The following DCP1A variants were observed in gnomAD, a reference collection of about 807,000 sequenced individuals.
The protein encoded by DCP1A is mRNA-decapping enzyme 1A.
DCP1A carries 20 observed loss-of-function variants against 58.0 expected under a neutral mutation model. The observed-to-expected ratio is 0.34, with a 90% CI of 0.24 to 0.50. The LOEUF (loss-of-function observed/expected upper bound fraction) is 0.50, where lower values mean the gene tolerates loss of function less well. Among genes scored for constraint, DCP1A ranks in the 20% least tolerant of loss-of-function variants. The probability of loss-of-function intolerance (pLI) is 0.98; values close to 1 mark genes in which losing one functional copy is unlikely to be tolerated. For synonymous variants in DCP1A, 285 were observed against 275.1 expected, an observed-to-expected ratio of 1.04 and a Z score of -0.36; for missense variants, 613 against 712.2, an observed-to-expected ratio of 0.86 and a Z score of 1.59.
At chr3:53,297,399 C>T (rs1707164779) in intron 6 of DCP1A, among the ~76,000 whole-genome samples, 1 of 149,726 alleles carries the variant, frequency 6.7e-6, no homozygotes, top group Admixed American at 6.7e-5. Flanking sequence ...GTCTTGCTGT[C>T]ACCCAGGCTG....
chr3:53,320,124 T>C (rs1271627368), intron 3 of DCP1A, among the ~76,000 whole-genome samples: 2 of 148,438 alleles, frequency 1.3e-5, no homozygotes. Context: ...TGAGACTCCA[T>C]CTAAAAAAAA....
intron 3 of DCP1A, among the ~76,000 whole-genome samples, chr3:53,332,636 G>C (rs563210912): frequency 1.1e-3 from 166 of 152,116 alleles, no homozygotes; most frequent in African/African-American, 3.5e-3. Flanking sequence ...AGGCCAAGGC[G>C]GGTGGATCAT....
In DCP1A at chr3:53,292,327, G is replaced by C; in HGVS notation, c.1125C>G (p.Phe375Leu). The C allele has an allele frequency of 2.5e-6, 4 of 1,613,118 alleles. No individual in the cohort carries two copies. Among genetic ancestry groups the C allele is most frequent in the Non-Finnish European group, 3.4e-6 (4 of 1,179,142 alleles). The change falls in exon 7 of 10, where the codon TTC becomes TTG. Residue 375 changes from phenylalanine to leucine, a missense_variant. By Grantham distance (22) the Phe-to-Leu change is conservative. This residue lies in a region of DCP1A where 498 missense variants were observed against 556.7 expected (regional missense o/e 0.89). Transcript: ENST00000610213. ...TGTTCGTCACGTTCAATGGGGCCCT[G>C]AAGGGGCTCTGGTTGGCAATCAGAC... ...HASLIANQSP[F>L]RAPLNVTNTA... is the part of the protein sequence containing the mutation.
intron 6 of DCP1A, among the ~76,000 whole-genome samples, chr3:53,296,434 C>G (rs1433691436): frequency 6.6e-6 from 1 of 152,220 alleles, no homozygotes; most frequent in Non-Finnish European, 1.5e-5. Flanking sequence ...TCCCTTGGGA[C>G]AGACTTCTCT....
At chr3:53,328,861 T>C (rs1553690968) in intron 3 of DCP1A, 1 of 152,492 alleles carries the variant, frequency 6.6e-6, no homozygotes, top group African/African-American at 2.4e-5. Context: ...TTCCTTATCT[T>C]GGTCCAGAAG....
At chr3:53,309,878 G>A (rs1707592926) in intron 5 of DCP1A, among the ~76,000 whole-genome samples, 1 of 152,214 alleles carries the variant, frequency 6.6e-6, no homozygotes, top group African/African-American at 2.4e-5. Context: ...TCCCAACACT[G>A]AGGCCTAGCT....
rs1315855378 is a variant in DCP1A, at chr3:53,283,542, C to T, written c.*4038G>A. 1 of 152,064 alleles carries T rather than the reference C, an allele frequency of 6.6e-6. No individual in the cohort carries two copies. The highest frequency in any genetic ancestry group is 6.5e-5 in the Admixed American group (1 of 15,272). 9.4% of individuals were successfully genotyped at this position (152,064 alleles called of 1,614,324 possible). ...CATGTAATAACTTAATATTTGCAAA[C>T]ATACACAGATGCTATAAAATCCATA... On this transcript the variant is annotated 3_prime_UTR_variant, in exon 10 of 10. Transcript: ENST00000610213.
intron 8 of DCP1A, 24 bp from the exon 9 acceptor site, chr3:53,288,307 T>G: frequency 6.3e-7 from 1 of 1,575,060 alleles, no homozygotes; most frequent in Non-Finnish European, 8.6e-7. Context: ...ATGGTCATTT[T>G]GTACCGAAGT....
At chr3:53,299,723 T>G (rs1707250824) in intron 6 of DCP1A, among the ~76,000 whole-genome samples, 1 of 152,258 alleles carries the variant, frequency 6.6e-6, no homozygotes, top group African/African-American at 2.4e-5. Context: ...TCCTCAGCAC[T>G]AGATGGCAGT....
At chr3:53,312,201 G>T (rs1553688728) in intron 5 of DCP1A, 40 bp downstream of exon 5, 1 of 1,522,170 alleles carries the variant, frequency 6.6e-7, no homozygotes, top group Non-Finnish European at 8.8e-7. Context: ...TCCCGTTTTG[G>T]TCTTCCCTGG....
At chr3:53,290,740 G>A (rs200853197) in intron 8 of DCP1A, 51 bp downstream of exon 8, 14 of 1,077,630 alleles carry the variant, frequency 1.3e-5, no homozygotes, top group East Asian at 1.2e-4. Flanking sequence ...TATGGCACCC[G>A]ACTAGTCTTA....
chr3:53,305,748 A>G (rs1707451224), intron 5 of DCP1A, among the ~76,000 whole-genome samples: 1 of 152,144 alleles, frequency 6.6e-6, no homozygotes, highest in Non-Finnish European at 1.5e-5. Context: ...TTTATATTTT[A>G]CATCGATGAC....
intron 6 of DCP1A, among the ~76,000 whole-genome samples, chr3:53,295,134 C>T (rs1431002117): frequency 1.3e-5 from 2 of 152,196 alleles, no homozygotes; most frequent in East Asian, 1.9e-4. Context: ...GGCAAGTTTG[C>T]ATGTGAAGGA....
rs116128007 is a variant in DCP1A, at chr3:53,297,117, C to T, written c.625-4290G>A. Among the ~76,000 whole-genome samples, 1,275 of 152,200 alleles carry T rather than the reference C, an allele frequency of 8.4e-3. 13 individuals are homozygous for T. Among genetic ancestry groups the T allele is most frequent in the African/African-American group, 0.029 (1,213 of 41,518 alleles). On this transcript the variant is annotated intron_variant, in intron 6 of 9. Coordinates refer to ENST00000610213, the MANE Select transcript of DCP1A (RefSeq NM_018403.7). ...GTTCCATTTTAATGATATTAGCCAT[C>T]CTAATGAGTATGAAGTGATACTTCA...
chr3:53,337,632 C>T (rs1439020782), intron 3 of DCP1A, among the ~76,000 whole-genome samples: 4 of 152,244 alleles, frequency 2.6e-5, no homozygotes, highest in Non-Finnish European at 5.9e-5. Context: ...AAGCCACCCT[C>T]AGGGATATAT....
At chr3:53,344,164 A>G (rs1553692902) in intron 2 of DCP1A, among the ~76,000 whole-genome samples, 2 of 152,062 alleles carry the variant, frequency 1.3e-5, no homozygotes, top group Non-Finnish European at 2.9e-5. Context: ...AAAAGACCAG[A>G]TATCAGTAAT....
chr3:53,329,317 C>T (rs1708196265), intron 3 of DCP1A: 1 of 398,436 alleles, frequency 2.5e-6, no homozygotes. Flanking sequence ...TGGAAATGAA[C>T]CTCCCTACTT....
chr3:53,310,243 T>C (rs1303204678), intron 5 of DCP1A, among the ~76,000 whole-genome samples: 1 of 152,264 alleles, frequency 6.6e-6, no homozygotes, highest in Non-Finnish European at 1.5e-5. Flanking sequence ...AAACAGAAAC[T>C]ATCATGCTAT....
Position 53,342,178 on chromosome 3 carries a change from G to C in DCP1A, c.270C>G (p.Leu90=), listed in dbSNP as rs1295308210. The C allele has an allele frequency of 3.1e-6, 5 of 1,604,050 alleles. No individual in the cohort carries two copies. Among genetic ancestry groups the C allele is most frequent in the East Asian group, 2.2e-5 (1 of 44,618 alleles). Residue 90 remains leucine (L), a synonymous_variant, in exon 3 of 10, where the codon CTC becomes CTG. Coordinates refer to ENST00000610213, the MANE Select transcript of DCP1A (RefSeq NM_018403.7). The part of the protein sequence containing the change: ...EPVNKDLEFQ[L]HEPFLLYRNA... Reference sequence around the variant, plus strand: ...TTCTATACAGAAGAAATGGTTCATGGAGCTGAAATTCCAAATCTTTATTCA... The same window carrying C: ...TTCTATACAGAAGAAATGGTTCATGCAGCTGAAATTCCAAATCTTTATTCA...
Sources: gnomAD v4.1 joint callset for allele counts (sites outside exome capture counted in the v4.1 genomes callset) on GRCh38, gnomAD v4.1.1 for gene constraint, gnomAD v4.1.1 regional missense constraint, MANE v1.5 for transcripts, NCBI Gene and HGNC (gene_info 2026-07-23, HGNC 2026-07-21) for gene names.